Variants in RAB22A observed in about 807,000 individuals in gnomAD.
RAB22A encodes RAB22A, member RAS oncogene family, also known as ras-related protein Rab-22A.
RAB22A carries 13 observed loss-of-function variants against 30.2 expected under a neutral mutation model. The observed-to-expected ratio is 0.43, with a 90% CI of 0.28 to 0.68. RAB22A has a LOEUF of 0.68. Ranked by LOEUF, RAB22A falls within the 30% of genes least tolerant of loss-of-function variation. The pLI, the probability that RAB22A is intolerant of heterozygous loss-of-function variation, is 0.18. For synonymous variants in RAB22A, 89 were observed against 87.2 expected (o/e 1.02, Z -0.11); for missense variants, 177 against 246.8 (o/e 0.72, Z 1.89).
chr20:58,355,314 C>T (rs1048388500), intron 6 of RAB22A, among the ~76,000 whole-genome samples: 1 of 152,206 alleles, frequency 6.6e-6, no homozygotes, highest in Non-Finnish European at 1.5e-5. Flanking sequence ...CCAGGCCCAG[C>T]TCCATCAGCT....
At chr20:58,349,574 C>G (rs891993732) in intron 3 of RAB22A, among the ~76,000 whole-genome samples, 1 of 152,174 alleles carries the variant, frequency 6.6e-6, no homozygotes, top group Non-Finnish European at 1.5e-5. Flanking sequence ...TTCAGCTGCT[C>G]CTCATTACAG....
rs1173247101 is a variant in RAB22A, at chr20:58,309,833, C to T, written c.-144C>T. 1.5e-5 allele frequency: 11 copies of T among 753,666 alleles called. No homozygotes were observed. Among genetic ancestry groups the T allele is most frequent in the Non-Finnish European group, 2.0e-5 (11 of 547,870 alleles). 46.7% of individuals were successfully genotyped at this position (753,666 alleles called of 1,614,324 possible). A position where few individuals can be genotyped will look rare whatever the true frequency, so the allele number is the denominator to read the frequency against. On this transcript the variant is annotated 5_prime_UTR_variant, in exon 1 of 7. Coordinates refer to ENST00000244040, the MANE Select transcript of RAB22A (RefSeq NM_020673.3). The stretch of plus-strand genomic sequence containing the variant: ...GGCAGCGGACAGGCCGGACCTACGG[C>T]CGGAGGACGGGCGGCAGCCGCCTCT...
chr20:58,337,952 G>A (rs1052019788), intron 2 of RAB22A, among the ~76,000 whole-genome samples: 1 of 152,104 alleles, frequency 6.6e-6, no homozygotes, highest in East Asian at 1.9e-4. Flanking sequence ...ATGTGAAATG[G>A]TATATGTTAT....
rs1407979453 is a variant in RAB22A, at chr20:58,360,378, TTTTTAAA to T, written c.*677_*683del. 1.3e-5 allele frequency: 2 copies of T among 152,678 alleles called. No homozygotes were observed. The highest frequency in any genetic ancestry group is 1.9e-4 in the East Asian group (1 of 5,200). The allele number at this position is 152,678 out of a possible 1,614,324, so 9.5% of individuals were successfully genotyped here. A position where few individuals can be genotyped will look rare whatever the true frequency, so the allele number is the denominator to read the frequency against. ...TGCCACCAAACACGTTATTGGCACCTTTTTAAATAAGCTCTCATGATCAAGATGGTGA... is the reference window on the plus strand; with the variant it reads ...TGCCACCAAACACGTTATTGGCACCTTAAGCTCTCATGATCAAGATGGTGA... On this transcript the variant is annotated 3_prime_UTR_variant, in exon 7 of 7. Coordinates refer to ENST00000244040, the MANE Select transcript of RAB22A (RefSeq NM_020673.3).
chr20:58,326,395 A>G (rs1055020707), intron 2 of RAB22A, among the ~76,000 whole-genome samples: 2 of 152,230 alleles, frequency 1.3e-5, no homozygotes, highest in Non-Finnish European at 2.9e-5. Flanking sequence ...AAATGCAATA[A>G]CACAGTATAT....
At chr20:58,313,727 G>C (rs1490520942) in intron 2 of RAB22A, among the ~76,000 whole-genome samples, 1 of 152,136 alleles carries the variant, frequency 6.6e-6, no homozygotes, top group Non-Finnish European at 1.5e-5. Context: ...TATATGCCAG[G>C]TGCTAGACTG....
chr20:58,351,801 G>A (rs1004011163), intron 3 of RAB22A, among the ~76,000 whole-genome samples: 2 of 152,210 alleles, frequency 1.3e-5, no homozygotes, highest in Admixed American at 6.5e-5. Flanking sequence ...CAACAAGAGC[G>A]AAACTCCGTC....
chr20:58,367,299 T>C lies in RAB22A; in HGVS notation c.*7596T>C, dbSNP rs139943564. ...GCTGACAAAAGAAAACTAGACCTTT[T>C]GTTTTTTGTTGTAAGATTTTTGTTT... On this transcript the variant is annotated 3_prime_UTR_variant, in exon 7 of 7. Transcript: ENST00000244040. 5.3e-5 allele frequency: 8 copies of C among 152,314 alleles called. No individual in the cohort carries two copies. Among genetic ancestry groups the C allele is most frequent in the African/African-American group, 1.9e-4 (8 of 41,440 alleles). The allele number at this position is 152,314 out of a possible 1,614,324, so 9.4% of individuals were successfully genotyped here. A position where few individuals can be genotyped will look rare whatever the true frequency, so the allele number is the denominator to read the frequency against.
intron 2 of RAB22A, among the ~76,000 whole-genome samples, chr20:58,316,385 C>T (rs1986340141): frequency 6.6e-6 from 1 of 152,152 alleles, no homozygotes; most frequent in Non-Finnish European, 1.5e-5. Context: ...TGCCCATTTG[C>T]ATTTTGTCTC....
At chr20:58,319,706 T>C (rs1282233042) in intron 2 of RAB22A, among the ~76,000 whole-genome samples, 7 of 152,222 alleles carry the variant, frequency 4.6e-5, no homozygotes, top group Non-Finnish European at 1.0e-4. Flanking sequence ...ACCGTTAATG[T>C]AGGTCTTTTA....
intron 2 of RAB22A, among the ~76,000 whole-genome samples, chr20:58,314,453 G>A (rs1986295864): frequency 6.6e-6 from 1 of 152,356 alleles, no homozygotes; most frequent in Middle Eastern, 3.4e-3. Context: ...ACCTGGGCCT[G>A]TGGGGATAAC....
At chr20:58,357,465 A>G (rs1032356898) in intron 6 of RAB22A, among the ~76,000 whole-genome samples, 5 of 152,190 alleles carry the variant, frequency 3.3e-5, no homozygotes, top group African/African-American at 1.2e-4. Context: ...TCTTCATATA[A>G]TCTGACTGAT....
intron 2 of RAB22A, among the ~76,000 whole-genome samples, chr20:58,336,049 G>A (rs560208910): frequency 2.2e-4 from 33 of 152,098 alleles, no homozygotes; most frequent in African/African-American, 3.9e-4. Context: ...TCGCTCTGTC[G>A]CCCAGGGTGG....
chr20:58,353,610 A>C, intron 5 of RAB22A, 72 bp downstream of exon 5: 1 of 1,255,634 alleles, frequency 8.0e-7, no homozygotes, highest in Non-Finnish European at 1.1e-6. Flanking sequence ...ATCCAGTTTA[A>C]GAATCTTGCT....
intron 2 of RAB22A, among the ~76,000 whole-genome samples, chr20:58,331,559 T>C (rs80147895): frequency 0.017 from 2,531 of 152,346 alleles, 29 homozygotes; most frequent in Non-Finnish European, 0.02. Context: ...CATTATTCCA[T>C]TGAAACACCA....
intron 6 of RAB22A, among the ~76,000 whole-genome samples, chr20:58,355,389 C>T (rs1987114442): frequency 6.6e-6 from 1 of 151,946 alleles, no homozygotes; most frequent in Admixed American, 6.6e-5. Context: ...TTTTACATGT[C>T]CCATTGTTTA....
chr20:58,311,170 T>C, intron 2 of RAB22A, 48 bp downstream of exon 2: 1 of 1,483,842 alleles, frequency 6.7e-7, no homozygotes, highest in Non-Finnish European at 9.4e-7. Context: ...TTGAAAATCC[T>C]TCCAAATACA....
rs1250925489 is a variant in RAB22A, at chr20:58,363,163, G to A, written c.*3460G>A. 3.3e-5 allele frequency: 5 copies of A among 152,140 alleles called. No individual in the cohort carries two copies. Among genetic ancestry groups the A allele is most frequent in the Non-Finnish European group, 5.9e-5 (4 of 68,030 alleles). The allele number at this position is 152,140 out of a possible 1,614,324, so 9.4% of individuals were successfully genotyped here. A position where few individuals can be genotyped will look rare whatever the true frequency, so the allele number is the denominator to read the frequency against. On this transcript the variant is annotated 3_prime_UTR_variant, in exon 7 of 7. Transcript: ENST00000244040. ...TGTTAAAATAAGCAGTTTAGATTCC[G>A]ACGACACTGCACTAATTGGCATGTC...
chr20:58,357,239 T>C (rs748748139), intron 6 of RAB22A, among the ~76,000 whole-genome samples: 2 of 152,224 alleles, frequency 1.3e-5, no homozygotes, highest in Non-Finnish European at 2.9e-5. Flanking sequence ...CGAATATATG[T>C]TTACATTTGT....
Sources: allele counts gnomAD v4.1 joint callset (sites outside exome capture counted in the v4.1 genomes callset), GRCh38; gene constraint gnomAD v4.1.1; transcripts MANE v1.5; gene names NCBI Gene and HGNC (gene_info 2026-07-23, HGNC 2026-07-21).